The following GLI2 variants were observed in gnomAD, a reference collection of about 807,000 sequenced individuals.
GLI2 encodes the protein transcription activator GLI2.
In GLI2, 22 loss-of-function variants were observed where a neutral mutation model predicts 78.9. That is an observed-to-expected ratio of 0.28 (90% CI 0.20 to 0.40). GLI2 has a LOEUF of 0.40. Among genes scored for constraint, GLI2 ranks in the 10% least tolerant of loss-of-function variants. The pLI is 1.00. For missense variants in GLI2, 2,097 were observed against 2,213.2 expected (o/e 0.95, Z 1.05); for synonymous variants, 974 against 963.7 (o/e 1.01, Z -0.20).
At chr2:120,754,321 A>T (rs527934882) in intron 1 of GLI2, among the ~76,000 whole-genome samples, 82 of 152,110 alleles carry the variant, frequency 5.4e-4, no homozygotes, top group East Asian at 2.5e-3. Flanking sequence ...GTTTTTTTTT[A>T]AAAATGTACA....
intron 2 of GLI2, among the ~76,000 whole-genome samples, chr2:120,827,062 G>A (rs1273780257): frequency 2.0e-5 from 3 of 152,194 alleles, no homozygotes; most frequent in Non-Finnish European, 2.9e-5. Flanking sequence ...CTAGAACAGG[G>A]CCTGGCACTG....
intron 5 of GLI2, 110 bp from the exon 6 acceptor site, chr2:120,968,604 T>C (rs1681972632): frequency 2.3e-6 from 2 of 857,028 alleles, no homozygotes. Context: ...TCGGCAAAGC[T>C]AGGATTCCCA....
chr2:120,962,622 A>G (rs1222914013), intron 5 of GLI2, among the ~76,000 whole-genome samples: 1 of 152,230 alleles, frequency 6.6e-6, no homozygotes, highest in African/African-American at 2.4e-5. Flanking sequence ...AGGCGCCTCC[A>G]CAGATGAATA....
chr2:120,988,842 C>G lies in GLI2; in HGVS notation c.2877C>G (p.Pro959=). The G allele has an allele frequency of 1.4e-6, 2 of 1,481,416 alleles. No homozygotes were observed. The highest frequency in any genetic ancestry group is 2.9e-5 in the East Asian group (1 of 34,716). The allele number at this position is 1,481,416 out of a possible 1,614,324, so 91.8% of individuals were successfully genotyped here. The change falls in exon 14 of 14, where the codon CCC becomes CCG. Residue 959 remains proline, a synonymous_variant. Coordinates refer to ENST00000361492, the MANE Select transcript of GLI2 (RefSeq NM_001374353.1). ...ARRASDPVRR[P]DALSLPRVQR... ...GGGCCAGCGACCCTGTGCGGCGGCC[C>G]GATGCCCTGTCCCTGCCGCGGGTGC...
At chr2:120,743,260 G>A (rs759056990) in intron 1 of GLI2, among the ~76,000 whole-genome samples, 1 of 152,132 alleles carries the variant, frequency 6.6e-6, no homozygotes, top group Non-Finnish European at 1.5e-5. Context: ...GTAGAGAAGG[G>A]TAAAGGGCTC....
intron 2 of GLI2, among the ~76,000 whole-genome samples, chr2:120,862,567 G>A (rs1303931744): frequency 2.0e-5 from 3 of 152,186 alleles, no homozygotes; most frequent in Admixed American, 6.5e-5. Flanking sequence ...TGTGGGAGCC[G>A]GAGCCCTTGT....
At position 120,800,795 on chromosome 2, in the gene GLI2, C is replaced by T. The variant is rs6705851; in HGVS notation, c.148+3327C>T. On this transcript the variant is annotated intron_variant, in intron 2 of 13. Transcript: ENST00000361492. The surrounding 1 kb of genome is among the most constrained non-coding windows in gnomAD (Gnocchi z 4.1). ...TGCCGGGATTACAGGTGTGAGCCAC[C>T]GCACCCGGCCGAAAGGGATGACTTA... Among the ~76,000 whole-genome samples, 2,066 of 152,242 alleles carry T rather than the reference C, an allele frequency of 0.014. 56 individuals are homozygous for T. The highest frequency in any genetic ancestry group is 0.046 in the African/African-American group (1,903 of 41,540).
intron 1 of GLI2, among the ~76,000 whole-genome samples, chr2:120,740,764 A>C (rs1306167507): frequency 6.6e-6 from 1 of 152,254 alleles, no homozygotes; most frequent in Non-Finnish European, 1.5e-5. Context: ...TGAACCAAAA[A>C]CAGCAGTGAA....
intron 1 of GLI2, among the ~76,000 whole-genome samples, chr2:120,740,505 T>C (rs1260142611): frequency 6.6e-6 from 1 of 151,446 alleles, no homozygotes; most frequent in Admixed American, 6.6e-5. Context: ...GCTATTAGCA[T>C]AAGAAAAAAA....
intron 2 of GLI2, among the ~76,000 whole-genome samples, chr2:120,859,385 CAA>C (rs1230180545): frequency 6.6e-6 from 1 of 150,802 alleles, no homozygotes; most frequent in Non-Finnish European, 1.5e-5. Flanking sequence ...TTTCCTGAAA[CAA>C]GAGCAGGGAA....
intron 3 of GLI2, among the ~76,000 whole-genome samples, chr2:120,931,753 C>T (rs991831787): frequency 5.9e-5 from 9 of 152,210 alleles, no homozygotes; most frequent in Non-Finnish European, 1.2e-4. Flanking sequence ...ACAGTGACTT[C>T]TGTGTGACAT....
At chr2:120,984,855 C>T (rs924590374) in intron 12 of GLI2, 112 bp downstream of exon 12, 40 of 1,065,200 alleles carry the variant, frequency 3.8e-5, no homozygotes, top group Admixed American at 2.7e-4. Flanking sequence ...AGGGGCACAG[C>T]GATATCCCTC....
intron 2 of GLI2, among the ~76,000 whole-genome samples, chr2:120,863,298 G>T (rs1166861920): frequency 2.0e-5 from 3 of 152,156 alleles, no homozygotes; most frequent in Admixed American, 6.5e-5. Context: ...CCTTGGCTCC[G>T]GCCAGTGCCC....
intron 2 of GLI2, among the ~76,000 whole-genome samples, chr2:120,812,562 C>T (rs577981748): frequency 6.6e-6 from 1 of 152,270 alleles, no homozygotes; most frequent in East Asian, 1.9e-4. Context: ...CCCTTCTTTC[C>T]ATCACTGGGG....
At chr2:120,811,124 G>C (rs1393985996) in intron 2 of GLI2, among the ~76,000 whole-genome samples, 2 of 152,208 alleles carry the variant, frequency 1.3e-5, no homozygotes, top group Non-Finnish European at 2.9e-5. Flanking sequence ...TTATCTGCTG[G>C]AGCTGTGCGT....
At chr2:120,778,989 C>A (rs1683761095) in intron 1 of GLI2, among the ~76,000 whole-genome samples, 1 of 152,082 alleles carries the variant, frequency 6.6e-6, no homozygotes, top group African/African-American at 2.4e-5. Flanking sequence ...GTTAAGAGGC[C>A]CCATCATGGC....
intron 2 of GLI2, among the ~76,000 whole-genome samples, chr2:120,816,303 C>T (rs1003252385): frequency 8.0e-5 from 12 of 149,876 alleles, no homozygotes; most frequent in Non-Finnish European, 1.3e-4. Context: ...TCAGGTGATT[C>T]TCCTGCCTCA....
chr2:120,845,102 G>C (rs778721172), intron 2 of GLI2, among the ~76,000 whole-genome samples: 1 of 151,994 alleles, frequency 6.6e-6, no homozygotes, highest in Non-Finnish European at 1.5e-5. Context: ...GTAAAACCTC[G>C]TCTCTACTAA....
chr2:120,858,370 C>G (rs1573491784), intron 2 of GLI2, among the ~76,000 whole-genome samples: 1 of 152,316 alleles, frequency 6.6e-6, no homozygotes, highest in East Asian at 1.9e-4. Flanking sequence ...ATGCCCCCGC[C>G]ATGTCCATAG....
Sources: gnomAD v4.1 joint callset for allele counts (sites outside exome capture counted in the v4.1 genomes callset) on GRCh38, gnomAD v4.1.1 for gene constraint, Gnocchi (gnomAD v3.1) non-coding constraint, MANE v1.5 for transcripts, NCBI Gene and HGNC (gene_info 2026-07-23, HGNC 2026-07-21) for gene names.